MACROD2: variants seen among roughly 807,000 people sequenced by gnomAD.
MACROD2 encodes the protein ADP-ribose glycohydrolase MACROD2.
MACROD2 carries 36 observed loss-of-function variants against 70.4 expected under a neutral mutation model. The ratio of observed to expected loss-of-function variants is 0.51; its 90% CI spans 0.39 to 0.68. The LOEUF (loss-of-function observed/expected upper bound fraction) is 0.68. MACROD2 is among the 30% of genes least tolerant of loss of function. MACROD2 has a pLI of 0.00. For synonymous variants in MACROD2, 172 were observed against 178.8 expected (o/e 0.96, Z 0.30); for missense variants, 496 against 538.4 (o/e 0.92, Z 0.78).
intron 3 of MACROD2, among the ~76,000 whole-genome samples, chr20:14,087,781 AGCTAGTAAT>A (rs1344399833): frequency 1.3e-5 from 2 of 152,194 alleles, no homozygotes; most frequent in Non-Finnish European, 2.9e-5. Context: ...ATATCACTAT[AGCTAGTAAT>A]TTAATGTATA....
At chr20:14,012,059 C>A (rs1404850515) in intron 2 of MACROD2, among the ~76,000 whole-genome samples, 3 of 151,998 alleles carry the variant, frequency 2.0e-5, no homozygotes, top group African/African-American at 7.3e-5. Flanking sequence ...TAGGCATGTA[C>A]CCCCGCCCAG....
At chr20:15,982,804 A>C (rs950218451) in intron 13 of MACROD2, among the ~76,000 whole-genome samples, 3 of 152,208 alleles carry the variant, frequency 2.0e-5, no homozygotes, top group Non-Finnish European at 2.9e-5. Context: ...TAAAATCACC[A>C]CAGCATGGCA....
chr20:14,027,149 T>C (rs2053179859), intron 2 of MACROD2, among the ~76,000 whole-genome samples: 1 of 152,136 alleles, frequency 6.6e-6, no homozygotes, highest in Admixed American at 6.5e-5. Flanking sequence ...GGAGGCTTTG[T>C]TCATTCCTTT....
At chr20:15,939,106 T>C (rs2065711187) in intron 12 of MACROD2, among the ~76,000 whole-genome samples, 1 of 152,206 alleles carries the variant, frequency 6.6e-6, no homozygotes, top group Admixed American at 6.5e-5. Flanking sequence ...ATTACATTAA[T>C]GTGCAAGGTG....
At chr20:14,412,019 A>G (rs1002784560) in intron 3 of MACROD2, among the ~76,000 whole-genome samples, 8 of 152,182 alleles carry the variant, frequency 5.3e-5, no homozygotes, top group South Asian at 2.1e-4. Context: ...AGCATAACCA[A>G]AAGTGTCATT....
At chr20:14,317,822 C>T (rs2082626639) in intron 3 of MACROD2, among the ~76,000 whole-genome samples, 1 of 152,060 alleles carries the variant, frequency 6.6e-6, no homozygotes, top group African/African-American at 2.4e-5. Flanking sequence ...ATAATAATTC[C>T]TATCTCTAAA....
At chr20:14,970,130 C>CA (rs1291840021) in intron 5 of MACROD2, among the ~76,000 whole-genome samples, 1 of 152,128 alleles carries the variant, frequency 6.6e-6, no homozygotes, top group African/African-American at 2.4e-5. Context: ...TAGCAGAAGG[C>CA]ACCTCTTCAC....
rs1175299874 is a variant in MACROD2 at position 13,995,648 on chromosome 20, C to T, written c.-116C>T. On this transcript the variant is annotated 5_prime_UTR_variant, in exon 1 of 18. Coordinates refer to ENST00000684519, the MANE Select transcript of MACROD2 (RefSeq NM_001351661.2). The surrounding 1 kb of genome is among the most constrained non-coding windows in gnomAD (Gnocchi z 4.3). ...CGGCGAGCAGCGCAGGACGCAGAGCCTCTTTCACTTTTTCCCTGCTGAGTG... is the reference window on the plus strand; with the variant it reads ...CGGCGAGCAGCGCAGGACGCAGAGCTTCTTTCACTTTTTCCCTGCTGAGTG... The T allele has an allele frequency of 1.1e-6, 1 of 907,354 alleles. No homozygotes were observed. The highest frequency in any genetic ancestry group is 2.5e-5 in the East Asian group (1 of 40,386). 56.2% of individuals were successfully genotyped at this position (907,354 alleles called of 1,614,324 possible).
chr20:15,856,649 T>C (rs556698414), intron 8 of MACROD2, among the ~76,000 whole-genome samples: 1 of 152,196 alleles, frequency 6.6e-6, no homozygotes, highest in Non-Finnish European at 1.5e-5. Context: ...TATGCACTGG[T>C]GATGCAAAGA....
chr20:15,050,398 C>T (rs6110505), intron 5 of MACROD2, among the ~76,000 whole-genome samples: 76,376 of 151,954 alleles, frequency 0.5, 20,663 homozygotes, highest in African/African-American at 0.72. Context: ...AGTTGTACAA[C>T]ATGCATTTTG....
chr20:15,050,533 C>CTTTTTTTTTTTTTTTTTTTT (rs386393390), intron 5 of MACROD2, among the ~76,000 whole-genome samples: 1 of 77,876 alleles, frequency 1.3e-5, no homozygotes, highest in African/African-American at 6.2e-5. Flanking sequence ...CTATTTAGGT[C>CTTTTTTTTTTTTTTTTTTTT]TTTTTTTTTT....
chr20:14,757,786 C>A (rs1027366121), intron 5 of MACROD2: 116 of 1,531,460 alleles, frequency 7.6e-5, no homozygotes, highest in Non-Finnish European at 1.0e-4. Flanking sequence ...ATGAGGGTAT[C>A]CAGTATCTCC....
In MACROD2 at chr20:14,326,562, C is replaced by T; in HGVS notation, c.272-166917C>T. 1 of 1,613,780 alleles carries T rather than the reference C, an allele frequency of 6.2e-7. No individual in the cohort carries two copies. Among genetic ancestry groups the T allele is most frequent in the Non-Finnish European group, 8.5e-7 (1 of 1,179,868 alleles). On this transcript the variant is annotated intron_variant, in intron 3 of 17. Coordinates refer to ENST00000684519, the MANE Select transcript of MACROD2 (RefSeq NM_001351661.2). This position sits in a 1 kb window ranked among gnomAD's most constrained non-coding sequence, Gnocchi z 5.5. ...GTAGTGATTGTAACCAGTCACGTAC[C>T]CATTTCATCTTGCACCCGCAATACC...
At chr20:16,000,502 C>T (rs983099167) in intron 15 of MACROD2, among the ~76,000 whole-genome samples, 1 of 152,176 alleles carries the variant, frequency 6.6e-6, no homozygotes, top group African/African-American at 2.4e-5. Flanking sequence ...CAACCCTGTA[C>T]TCAGAAGCCT....
chr20:14,819,325 C>T (rs1007580348), intron 5 of MACROD2, among the ~76,000 whole-genome samples: 6 of 149,086 alleles, frequency 4.0e-5, no homozygotes, highest in Admixed American at 2.0e-4. Context: ...ACTAGTCAGT[C>T]AGTATTTTGA....
At chr20:15,210,688 G>A (rs1467590246) in intron 5 of MACROD2, among the ~76,000 whole-genome samples, 1 of 151,892 alleles carries the variant, frequency 6.6e-6, no homozygotes, top group Non-Finnish European at 1.5e-5. Context: ...AGATCATGGG[G>A]GCAGATTTCC....
chr20:14,681,827 A>G (rs1422916458), intron 4 of MACROD2, among the ~76,000 whole-genome samples: 1 of 152,210 alleles, frequency 6.6e-6, no homozygotes, highest in Non-Finnish European at 1.5e-5. Flanking sequence ...TTGAGAAGAC[A>G]GTGATTAATA....
chr20:15,545,733 A>G (rs1305604190), intron 8 of MACROD2, among the ~76,000 whole-genome samples: 1 of 152,086 alleles, frequency 6.6e-6, no homozygotes, highest in Non-Finnish European at 1.5e-5. Context: ...TTAACCCTCT[A>G]TTTAATCAAT....
intron 3 of MACROD2, among the ~76,000 whole-genome samples, chr20:14,154,601 A>G (rs1378204322): frequency 2.6e-4 from 31 of 121,496 alleles, no homozygotes; most frequent in African/African-American, 9.9e-4. Flanking sequence ...TTTAGTAAAG[A>G]CGGGGTTTCA....
Sources: gnomAD v4.1 joint callset for allele counts (sites outside exome capture counted in the v4.1 genomes callset) on GRCh38, gnomAD v4.1.1 for gene constraint, Gnocchi (gnomAD v3.1) non-coding constraint, MANE v1.5 for transcripts, NCBI Gene and HGNC (gene_info 2026-07-23, HGNC 2026-07-21) for gene names.